DOCK11: variants seen among roughly 807,000 people sequenced by gnomAD.
DOCK11 encodes dedicator of cytokinesis protein 11.
DOCK11 carries 70 observed loss-of-function variants against 169.1 expected under a neutral mutation model. The observed-to-expected ratio is 0.41, with a 90% CI of 0.34 to 0.51. DOCK11 has a LOEUF of 0.51. Among genes scored for constraint, DOCK11 ranks in the 20% least tolerant of loss-of-function variants. The pLI is 0.10. For missense variants in DOCK11, 1,166 were observed against 1,538.8 expected, an observed-to-expected ratio of 0.76 and a Z score of 4.05; for synonymous variants, 529 against 541.3, an observed-to-expected ratio of 0.98 and a Z score of 0.32.
intron 1 of DOCK11, among the ~76,000 whole-genome samples, chrX:118,523,921 CAAT>C (rs1482598453): frequency 1.8e-5 from 2 of 111,133 alleles, no homozygotes; most frequent in Non-Finnish European, 3.8e-5. Flanking sequence ...TCACTTTTCA[CAAT>C]AATTACTCAA....
chrX:118,636,731 A>T (rs1237374747), intron 36 of DOCK11, among the ~76,000 whole-genome samples: 1 of 111,658 alleles, frequency 9.0e-6, no homozygotes, highest in Non-Finnish European at 1.9e-5. Flanking sequence ...ATGCTGGATT[A>T]GTGGAGCAGT....
chrX:118,549,107 T>C (rs1178789317), intron 6 of DOCK11, among the ~76,000 whole-genome samples: 1 of 20,576 alleles, frequency 4.9e-5, no homozygotes, highest in Admixed American at 4.4e-4. Flanking sequence ...GCTCATATTC[T>C]GTGTGTGTGT....
chrX:118,524,888 C>G (rs760954193), intron 1 of DOCK11, among the ~76,000 whole-genome samples: 11 of 111,336 alleles, frequency 9.9e-5, no homozygotes, highest in Non-Finnish European at 1.9e-4. Flanking sequence ...TGGCTCACAC[C>G]TGTAATGCCA....
At chrX:118,546,474 G>A (rs1427390749) in intron 6 of DOCK11, among the ~76,000 whole-genome samples, 1 of 111,627 alleles carries the variant, frequency 9.0e-6, no homozygotes, top group Non-Finnish European at 1.9e-5. Context: ...ATATTAATTA[G>A]GTACTTATTA....
At chrX:118,665,192 A>C (rs147878247) in intron 45 of DOCK11, among the ~76,000 whole-genome samples, 1 of 112,471 alleles carries the variant, frequency 8.9e-6, no homozygotes, top group South Asian at 3.7e-4. Flanking sequence ...GAGATTTCTT[A>C]AAAGCAAGTT....
chrX:118,597,003 C>T lies in DOCK11; in HGVS notation c.2264-428C>T, dbSNP rs540953153. On this transcript the variant is annotated intron_variant, in intron 20 of 52. Coordinates refer to ENST00000276202, the MANE Select transcript of DOCK11 (RefSeq NM_144658.4). ...GATTGTTATCTGAAATAGTCTCAGCCGTGAGACTCTGCACTCTTAGTGTAA... is the reference window on the plus strand; with the variant it reads ...GATTGTTATCTGAAATAGTCTCAGCTGTGAGACTCTGCACTCTTAGTGTAA... Among the ~76,000 whole-genome samples, 45 of 111,899 alleles carry T rather than the reference C, an allele frequency of 4.0e-4. No individual in the cohort carries two copies. In the South Asian group the frequency reaches 0.015, roughly 38 times the overall value.
intron 26 of DOCK11, 119 bp from the exon 27 acceptor site, chrX:118,609,159 C>A: frequency 2.0e-6 from 1 of 500,372 alleles, no homozygotes; most frequent in East Asian, 3.8e-5. Flanking sequence ...TTGATAGTGA[C>A]TTGGGATCAC....
chrX:118,496,524 C>T (rs995401729), intron 1 of DOCK11, among the ~76,000 whole-genome samples: 1 of 112,702 alleles, frequency 8.9e-6, no homozygotes, highest in African/African-American at 3.2e-5. Flanking sequence ...CACACACTCT[C>T]GCGCGCACAC....
At chrX:118,544,644 GCTTTTTT>G (rs2012171966) in intron 4 of DOCK11, among the ~76,000 whole-genome samples, 1 of 45,709 alleles carries the variant, frequency 2.2e-5, no homozygotes, top group South Asian at 1.4e-3. Flanking sequence ...TTACACTGTT[GCTTTTTT>G]TTTTTTTTTT....
chrX:118,562,417 G>A (rs767703451), intron 7 of DOCK11, among the ~76,000 whole-genome samples: 3 of 111,160 alleles, frequency 2.7e-5, no homozygotes, highest in East Asian at 2.8e-4. Context: ...CCAAAGTTGC[G>A]CTTTTATGCC....
At chrX:118,500,648 G>A (rs6655477) in intron 1 of DOCK11, among the ~76,000 whole-genome samples, 18,213 of 108,983 alleles carry the variant, frequency 0.17, 1,167 homozygotes, top group African/African-American at 0.21. Flanking sequence ...TTGAGACAAA[G>A]TCTTGCTCTT....
Position 118,588,337 on chromosome X carries a change from A to G in DOCK11, c.1980+16A>G. On this transcript the variant is annotated intron_variant, in intron 17 of 52. Transcript: ENST00000276202. The stretch of plus-strand genomic sequence containing the variant: ...ATTTGCCAAGGTAACCATGTAAACT[A>G]TACATTTTTGGAGTATAAAATGTTA... 8.6e-7 allele frequency: 1 copy of G among 1,164,623 alleles called. No homozygotes were observed. Among genetic ancestry groups the G allele is most frequent in the Non-Finnish European group, 1.1e-6 (1 of 871,854 alleles).
At chrX:118,647,508 A>T (rs1233310125) in intron 40 of DOCK11, among the ~76,000 whole-genome samples, 2 of 68,231 alleles carry the variant, frequency 2.9e-5, no homozygotes, top group Non-Finnish European at 5.0e-5. Flanking sequence ...AATATATTAT[A>T]TAATAATATA....
chrX:118,521,783 A>G (rs2011272498), intron 1 of DOCK11, among the ~76,000 whole-genome samples: 1 of 111,872 alleles, frequency 8.9e-6, no homozygotes, highest in African/African-American at 3.2e-5. Flanking sequence ...ATCACATTGT[A>G]TTTGAGTAGT....
Position 118,545,407 on chromosome X carries a change from A to G in DOCK11, c.462+15A>G. ...AGAAAGATGAGGTAAGAATGGGGGC[A>G]ACAGTTGGGGTAACTGTGCTAGTTT... On this transcript the variant is annotated intron_variant, in intron 5 of 52. Transcript: ENST00000276202. 8.7e-7 allele frequency: 1 copy of G among 1,148,092 alleles called. No homozygotes were observed. Among genetic ancestry groups the G allele is most frequent in the Non-Finnish European group, 1.2e-6 (1 of 850,139 alleles). 94.6% of individuals were successfully genotyped at this position (1,148,092 alleles called of 1,213,427 possible). A position where few individuals can be genotyped will look rare whatever the true frequency, so the allele number is the denominator to read the frequency against.
At chrX:118,504,801 C>T (rs978173308) in intron 1 of DOCK11, among the ~76,000 whole-genome samples, 4 of 111,668 alleles carry the variant, frequency 3.6e-5, no homozygotes, top group East Asian at 2.8e-4. Context: ...CCACCCTGGA[C>T]GCTCCCAGAG....
intron 35 of DOCK11, among the ~76,000 whole-genome samples, chrX:118,630,971 GTTCT>G (rs1230501069): frequency 1.8e-5 from 2 of 111,328 alleles, no homozygotes; most frequent in African/African-American, 3.3e-5. Flanking sequence ...CTGGTATCGC[GTTCT>G]TTGTCGGGCT....
At position 118,578,471 on chromosome X, in the gene DOCK11, A is replaced by C; in HGVS notation, c.1390-54A>C. The C allele has an allele frequency of 2.5e-6, 3 of 1,181,407 alleles. No individual in the cohort carries two copies. In the Admixed American group the frequency reaches 6.6e-5, roughly 26 times the overall value. ...TTACTAAAAATCGTTAACCATAAAC[A>C]ACCATATGCACAAGATTACATAAGA... On this transcript the variant is annotated intron_variant, in intron 12 of 52. Coordinates refer to ENST00000276202, the MANE Select transcript of DOCK11 (RefSeq NM_144658.4).
intron 10 of DOCK11, chrX:118,569,474 C>G (rs1461583649): frequency 2.7e-5 from 3 of 111,230 alleles, no homozygotes; most frequent in South Asian, 3.8e-4. Flanking sequence ...ATGTAATTGA[C>G]TGAACAATCA....
Sources: allele counts gnomAD v4.1 joint callset (sites outside exome capture counted in the v4.1 genomes callset), GRCh38; gene constraint gnomAD v4.1.1; transcripts MANE v1.5; gene names NCBI Gene and HGNC (gene_info 2026-07-23, HGNC 2026-07-21).